Variants in RBM27 observed in about 807,000 individuals in gnomAD.
RBM27 encodes RNA binding motif protein 27.
RBM27 carries 22 observed loss-of-function variants against 135.3 expected under a neutral mutation model. The ratio of observed to expected loss-of-function variants is 0.16; its 90% CI spans 0.12 to 0.23. The LOEUF (loss-of-function observed/expected upper bound fraction) is 0.23, where lower values mean the gene tolerates loss of function less well. RBM27 is among the 10% of genes least tolerant of loss of function. RBM27 has a pLI of 1.00. For missense variants in RBM27, 1,009 were observed against 1,281.0 expected, an observed-to-expected ratio of 0.79 and a Z score of 3.24; for synonymous variants, 481 against 442.4, an observed-to-expected ratio of 1.09 and a Z score of -1.10.
intron 4 of RBM27, among the ~76,000 whole-genome samples, 185 bp from the exon 5 acceptor site, chr5:146,229,532 A>G (rs796159846): frequency 6.8e-5 from 10 of 148,114 alleles, no homozygotes; most frequent in African/African-American, 2.5e-4. Context: ...CACCCAGTAT[A>G]ATTGCAGGAG....
intron 7 of RBM27, among the ~76,000 whole-genome samples, chr5:146,235,596 A>G (rs965244181): frequency 6.6e-6 from 1 of 151,988 alleles, no homozygotes; most frequent in African/African-American, 2.4e-5. Context: ...AAGTTGGTAA[A>G]TGTTTGGAGG....
At chr5:146,277,331 T>C (rs1759132875) in intron 19 of RBM27, among the ~76,000 whole-genome samples, 1 of 152,158 alleles carries the variant, frequency 6.6e-6, no homozygotes, top group Non-Finnish European at 1.5e-5. Context: ...TAGTGTATCA[T>C]GGAGAATTGT....
In RBM27 at chr5:146,288,720, G is replaced by GAT. The variant is rs1266169471; in HGVS notation, c.*2694_*2695dup. 6.6e-6 allele frequency: 1 copy of GAT among 152,084 alleles called. No individual in the cohort carries two copies. Among genetic ancestry groups the GAT allele is most frequent in the Non-Finnish European group, 1.5e-5 (1 of 67,944 alleles). The allele number at this position is 152,084 out of a possible 1,614,324, so 9.4% of individuals were successfully genotyped here. A position where few individuals can be genotyped will look rare whatever the true frequency, so the allele number is the denominator to read the frequency against. On this transcript the variant is annotated 3_prime_UTR_variant, in exon 21 of 21. Transcript: ENST00000265271. ...AGCCACCAGTTGACTAGGTCAGCCTGATATACTAGTGGATCACTGTCCAAG... is the reference window on the plus strand; with the variant it reads ...AGCCACCAGTTGACTAGGTCAGCCTGATATATACTAGTGGATCACTGTCCAAG...
At chr5:146,265,461 TG>T (rs1232763510) in intron 14 of RBM27, among the ~76,000 whole-genome samples, 1 of 152,214 alleles carries the variant, frequency 6.6e-6, no homozygotes, top group Non-Finnish European at 1.5e-5. Context: ...CTTGTGGTTA[TG>T]GCAAGTATAG....
At chr5:146,217,156 G>A (rs902729742) in intron 1 of RBM27, among the ~76,000 whole-genome samples, 5 of 151,690 alleles carry the variant, frequency 3.3e-5, no homozygotes, top group African/African-American at 7.3e-5. Flanking sequence ...TAGTAGAGAC[G>A]GGGTTTCGTC....
intron 7 of RBM27, among the ~76,000 whole-genome samples, chr5:146,235,053 T>TAAATAAAC (rs1757100403): frequency 6.6e-6 from 1 of 150,694 alleles, no homozygotes; most frequent in Non-Finnish European, 1.5e-5. Flanking sequence ...AATAAATAAA[T>TAAATAAAC]AAATAAATAA....
chr5:146,254,178 G>A (rs978156127), intron 9 of RBM27, among the ~76,000 whole-genome samples: 19 of 152,120 alleles, frequency 1.2e-4, no homozygotes, highest in African/African-American at 4.6e-4. Flanking sequence ...CATTGGGCTG[G>A]GCACAGTGAC....
chr5:146,260,413 G>T (rs747209785), intron 11 of RBM27, among the ~76,000 whole-genome samples: 1 of 152,158 alleles, frequency 6.6e-6, no homozygotes, highest in Non-Finnish European at 1.5e-5. Flanking sequence ...ACATAGAGAT[G>T]TGGTCTTACT....
At chr5:146,270,294 T>A (rs1758806343) in intron 17 of RBM27, among the ~76,000 whole-genome samples, 1 of 152,154 alleles carries the variant, frequency 6.6e-6, no homozygotes, top group Non-Finnish European at 1.5e-5. Flanking sequence ...GAACTGGTAA[T>A]GAATTTGTCA....
chr5:146,219,131 A>G (rs764708996), intron 2 of RBM27, 28 bp downstream of exon 2: 10 of 1,458,202 alleles, frequency 6.9e-6, no homozygotes, highest in Non-Finnish European at 9.5e-6. Context: ...TCAATCGAGT[A>G]TTGAAGTAAA....
intron 9 of RBM27, 128 bp from the exon 10 acceptor site, chr5:146,254,815 G>A (rs751808222): frequency 1.1e-5 from 9 of 801,932 alleles, no homozygotes; most frequent in Non-Finnish European, 1.7e-5. Context: ...ATACTGAGAG[G>A]TGACTGTAGG....
chr5:146,265,978 A>G (rs938810538), intron 14 of RBM27, among the ~76,000 whole-genome samples: 2 of 152,198 alleles, frequency 1.3e-5, no homozygotes, highest in Admixed American at 6.5e-5. Flanking sequence ...TCCCAATTCT[A>G]TTCACTGAAA....
Position 146,270,958 on chromosome 5 carries a change from A to C in RBM27, c.2696A>C (p.Gln899Pro). 6.2e-7 allele frequency: 1 copy of C among 1,607,614 alleles called. No individual in the cohort carries two copies. Among genetic ancestry groups the C allele is most frequent in the Non-Finnish European group, 8.5e-7 (1 of 1,175,264 alleles). Residue 899 changes from glutamine (Q) to proline (P), a missense_variant, in exon 18 of 21, where the codon CAG becomes CCG. Physicochemically the swap from Gln to Pro is moderately conservative, Grantham distance 76 (BLOSUM62 -1). Transcript: ENST00000265271. The stretch of plus-strand genomic sequence containing the variant: ...TTATTTTCAATTTTTCCAAAGGCCC[A>C]GAAGGAGTTATTAGATACTGAACTG... Reference protein sequence around the residue: ...PSKVKTKTEAQKELLDTELDL... With the variant: ...PSKVKTKTEAPKELLDTELDL...
At chr5:146,227,828 C>T (rs1481498682) in intron 3 of RBM27, among the ~76,000 whole-genome samples, 10 of 152,136 alleles carry the variant, frequency 6.6e-5, no homozygotes, top group Admixed American at 6.6e-4. Flanking sequence ...TAAGAGAAAG[C>T]CTTAACATTT....
At chr5:146,230,601 A>T in intron 5 of RBM27, 56 bp from the exon 6 acceptor site, 2 of 1,546,474 alleles carry the variant, frequency 1.3e-6, no homozygotes, top group Non-Finnish European at 1.8e-6. Context: ...ATATAGTTTA[A>T]GAACATGAAA....
At chr5:146,243,782 A>G (rs762080602) in intron 8 of RBM27, among the ~76,000 whole-genome samples, 1 of 152,216 alleles carries the variant, frequency 6.6e-6, no homozygotes, top group Non-Finnish European at 1.5e-5. Context: ...CACAGAAAAT[A>G]TAGGTGAAAA....
intron 14 of RBM27, among the ~76,000 whole-genome samples, chr5:146,265,386 G>A (rs1309716086): frequency 6.6e-6 from 1 of 152,088 alleles, no homozygotes; most frequent in Non-Finnish European, 1.5e-5. Context: ...TAGAGGCACT[G>A]AACACAGAGA....
rs373648038 is a variant in RBM27 at position 146,238,502 on chromosome 5, C to T, written c.1279+1070C>T. On this transcript the variant is annotated intron_variant, in intron 8 of 20. Coordinates refer to ENST00000265271, the MANE Select transcript of RBM27 (RefSeq NM_018989.2). ...CCGCCTGGGTGACAGAGCAAAACTC[C>T]GTCTCAGAAAACAAAAAACAAAATG... Among the ~76,000 whole-genome samples, 10 of 152,240 alleles carry T rather than the reference C, an allele frequency of 6.6e-5. No homozygotes were observed. The East Asian group carries it at 1.4e-3, about 21-fold the overall frequency.
chr5:146,243,869 G>A (rs955684510), intron 8 of RBM27, among the ~76,000 whole-genome samples: 2 of 152,090 alleles, frequency 1.3e-5, no homozygotes, highest in African/African-American at 4.8e-5. Context: ...ACGAAATCTG[G>A]ATTTTTCAAG....
Sources: allele counts gnomAD v4.1 joint callset (sites outside exome capture counted in the v4.1 genomes callset), GRCh38; gene constraint gnomAD v4.1.1; transcripts MANE v1.5; gene names NCBI Gene and HGNC (gene_info 2026-07-23, HGNC 2026-07-21).